ME1: variants seen among roughly 807,000 people sequenced by gnomAD.
ME1 encodes the protein malic enzyme 1.
Under a neutral mutation model 66.4 loss-of-function variants are expected in ME1, and 74 were observed. That is an observed-to-expected ratio of 1.11 (90% CI 0.92 to 1.35). The LOEUF (loss-of-function observed/expected upper bound fraction) is 1.35. ME1 is among the 40% of genes most tolerant of loss of function. The pLI is 0.00. For synonymous variants in ME1, 251 were observed against 235.6 expected (o/e 1.07, Z -0.60); for missense variants, 750 against 694.1 (o/e 1.08, Z -0.90).
At chr6:83,429,241 C>T (rs571424087) in intron 1 of ME1, among the ~76,000 whole-genome samples, 8 of 152,048 alleles carry the variant, frequency 5.3e-5, no homozygotes, top group East Asian at 1.9e-4. Flanking sequence ...CCAACCTGGG[C>T]GACAGAGCGC....
intron 6 of ME1, among the ~76,000 whole-genome samples, chr6:83,275,517 G>C (rs1767162488): frequency 7.5e-6 from 1 of 133,116 alleles, no homozygotes; most frequent in Non-Finnish European, 1.6e-5. Context: ...CCAGGCTGGA[G>C]TGCAGTGGCG....
intron 12 of ME1, among the ~76,000 whole-genome samples, chr6:83,219,305 A>G (rs1333910028): frequency 6.6e-6 from 1 of 152,224 alleles, no homozygotes; most frequent in Non-Finnish European, 1.5e-5. Flanking sequence ...ATTGGATAGA[A>G]CAAAATGAAT....
At chr6:83,225,433 C>T (rs188724811) in intron 11 of ME1, among the ~76,000 whole-genome samples, 3 of 151,974 alleles carry the variant, frequency 2.0e-5, no homozygotes, top group Non-Finnish European at 2.9e-5. Context: ...ATAGTTTAAA[C>T]GATGACAGAA....
At chr6:83,408,723 A>G (rs888367285) in intron 1 of ME1, among the ~76,000 whole-genome samples, 11 of 152,222 alleles carry the variant, frequency 7.2e-5, no homozygotes, top group Admixed American at 2.0e-4. Flanking sequence ...ACAAAGTAAT[A>G]TCAGAGCAGC....
chr6:83,353,163 T>A (rs1263058871), intron 3 of ME1, among the ~76,000 whole-genome samples: 1 of 152,212 alleles, frequency 6.6e-6, no homozygotes, highest in East Asian at 1.9e-4. Context: ...TCTTCTGTAT[T>A]CTTGGAAAAT....
intron 1 of ME1, among the ~76,000 whole-genome samples, chr6:83,416,989 A>G (rs890272549): frequency 6.6e-6 from 1 of 152,126 alleles, no homozygotes; most frequent in Non-Finnish European, 1.5e-5. Context: ...GTATCTGGAA[A>G]TAACATTCAT....
chr6:83,272,865 T>G (rs1767110366), intron 6 of ME1, among the ~76,000 whole-genome samples: 1 of 152,176 alleles, frequency 6.6e-6, no homozygotes, highest in Non-Finnish European at 1.5e-5. Flanking sequence ...TAAAAGCAAC[T>G]AATAGCTCCT....
At chr6:83,326,271 C>T (rs1034967002) in intron 5 of ME1, among the ~76,000 whole-genome samples, 7 of 152,130 alleles carry the variant, frequency 4.6e-5, no homozygotes, top group African/African-American at 1.7e-4. Context: ...AACATAACAC[C>T]TAAAACTATA....
chr6:83,400,924 G>A (rs556796755), intron 2 of ME1, among the ~76,000 whole-genome samples: 24 of 152,100 alleles, frequency 1.6e-4, no homozygotes, highest in African/African-American at 5.1e-4. Flanking sequence ...GCTACAAAAC[G>A]CTGTTCCTCA....
chr6:83,397,427 T>C (rs1769756331), intron 3 of ME1, among the ~76,000 whole-genome samples: 1 of 152,170 alleles, frequency 6.6e-6, no homozygotes, highest in South Asian at 2.1e-4. Flanking sequence ...CACAGTGAGA[T>C]ATCACCTCAC....
chr6:83,372,899 A>G (rs1769216960), intron 3 of ME1, among the ~76,000 whole-genome samples: 1 of 152,246 alleles, frequency 6.6e-6, no homozygotes, highest in East Asian at 1.9e-4. Flanking sequence ...TGGTTATGCT[A>G]TGTCCACCGG....
At chr6:83,342,610 C>A (rs778484659) in intron 5 of ME1, among the ~76,000 whole-genome samples, 1 of 152,142 alleles carries the variant, frequency 6.6e-6, no homozygotes, top group Non-Finnish European at 1.5e-5. Context: ...ATAGGGTACA[C>A]GTGATACTTG....
chr6:83,292,346 T>C (rs966904808), intron 6 of ME1, among the ~76,000 whole-genome samples: 5 of 152,210 alleles, frequency 3.3e-5, no homozygotes, highest in African/African-American at 1.2e-4. Flanking sequence ...TTCCTTTCTG[T>C]TTGTTAGTTT....
chr6:83,212,208 A>T (rs889820984), intron 13 of ME1, 114 bp from the exon 14 acceptor site: 2 of 615,048 alleles, frequency 3.3e-6, no homozygotes, highest in Non-Finnish European at 5.2e-6. Flanking sequence ...TTGCAAAAAC[A>T]TTAAGTGTAT....
rs1008786290 is a variant in ME1, at chr6:83,229,954, C to T, written c.1027-1023G>A. On this transcript the variant is annotated intron_variant, in intron 9 of 13. Coordinates refer to ENST00000369705, the MANE Select transcript of ME1 (RefSeq NM_002395.6). ...CCTCCCACCTAAGCCTCTCTAGTAGCTGGAACTACAGGCATGCACCACCAT... is the reference window on the plus strand; with the variant it reads ...CCTCCCACCTAAGCCTCTCTAGTAGTTGGAACTACAGGCATGCACCACCAT... Among the ~76,000 whole-genome samples, 6 of 152,232 alleles carry T rather than the reference C, an allele frequency of 3.9e-5. No individual in the cohort carries two copies. In the South Asian group the frequency reaches 6.2e-4, roughly 16 times the overall value.
In ME1 at chr6:83,431,006, G is replaced by A. The variant is rs1483204536; in HGVS notation, c.-52C>T. On this transcript the variant is annotated 5_prime_UTR_variant, in exon 1 of 14. Transcript: ENST00000369705. ...TCAGGCCGGGGCGGGCCGCACGCGC[G>A]GTGCAGGCGGCGGATGCTGCTGGGG... is the stretch of plus-strand genomic sequence containing the variant. 1.4e-5 allele frequency: 17 copies of A among 1,221,898 alleles called. No homozygotes were observed. The highest frequency in any genetic ancestry group is 9.0e-5 in the East Asian group (3 of 33,390). 75.7% of individuals were successfully genotyped at this position (1,221,898 alleles called of 1,614,324 possible).
chr6:83,233,897 AGCAT>A (rs1434596182), intron 9 of ME1, among the ~76,000 whole-genome samples: 1 of 152,052 alleles, frequency 6.6e-6, no homozygotes, highest in African/African-American at 2.4e-5. Context: ...ACTGTTTAAA[AGCAT>A]GAAAGAAAAA....
At chr6:83,417,730 C>G (rs1419832901) in intron 1 of ME1, among the ~76,000 whole-genome samples, 1 of 152,092 alleles carries the variant, frequency 6.6e-6, no homozygotes, top group Admixed American at 6.6e-5. Flanking sequence ...TGCAGACAAC[C>G]TTGATATTGA....
chr6:83,221,158 C>CAAAAAAAA (rs3216577), intron 12 of ME1, among the ~76,000 whole-genome samples: 6,712 of 142,708 alleles, frequency 0.047, 485 homozygotes, highest in African/African-American at 0.17. Context: ...GACTCCGTCT[C>CAAAAAAAA]AAAAAAAAAA....
Sources: allele counts gnomAD v4.1 joint callset (sites outside exome capture counted in the v4.1 genomes callset), GRCh38; gene constraint gnomAD v4.1.1; transcripts MANE v1.5; gene names NCBI Gene and HGNC (gene_info 2026-07-23, HGNC 2026-07-21).